EMP2: variants seen among roughly 807,000 people sequenced by gnomAD.
The protein encoded by EMP2 is epithelial membrane protein 2.
In EMP2, 19 loss-of-function variants were observed where a neutral mutation model predicts 13.7. The ratio of observed to expected loss-of-function variants is 1.38; its 90% CI spans 0.97 to 2.03. The LOEUF (loss-of-function observed/expected upper bound fraction) is 2.03. Among genes scored for constraint, EMP2 ranks in the 30% most tolerant of loss-of-function variants. The pLI is 0.00. For missense variants in EMP2, 253 were observed against 220.7 expected (o/e 1.15, Z -0.93); for synonymous variants, 97 against 84.7 (o/e 1.15, Z -0.80).
rs878927571 is a variant in EMP2, at chr16:10,532,758, CTTTT to C, written c.*143_*146del. ...CTTTTGGATTTTTTTTTTCTTTTTT[CTTTT>C]TTTTTTTTTTTTTTTTTTTTTTTTG... On this transcript the variant is annotated 3_prime_UTR_variant, in exon 5 of 5. Coordinates refer to ENST00000359543, the MANE Select transcript of EMP2 (RefSeq NM_001424.6). 4.7e-3 allele frequency: 876 copies of C among 184,878 alleles called. 87 individuals are homozygous for C. The highest frequency in any genetic ancestry group is 0.034 in the African/African-American group (821 of 23,828). 11.5% of individuals were successfully genotyped at this position (184,878 alleles called of 1,614,324 possible). A position where few individuals can be genotyped will look rare whatever the true frequency, so the allele number is the denominator to read the frequency against.
intron 1 of EMP2, among the ~76,000 whole-genome samples, chr16:10,562,386 A>AGC (rs2050878884): frequency 3.7e-5 from 4 of 107,982 alleles, no homozygotes; most frequent in Middle Eastern, 4.7e-3. Flanking sequence ...CTCTCTATCT[A>AGC]TCTCTCTCTC....
At chr16:10,558,030 A>AC (rs746973834) in intron 1 of EMP2, among the ~76,000 whole-genome samples, 94 of 137,964 alleles carry the variant, frequency 6.8e-4, no homozygotes, top group Middle Eastern at 3.4e-3. Flanking sequence ...GTGAGTTTCA[A>AC]GTTTTTTTTT....
rs2050617554 is a variant in EMP2 at position 10,532,848 on chromosome 16, A to G, written c.*57T>C. ...CTCAAAAAATAATGATTATATACAA[A>G]ATGGTTATCTGAATGTGGATTCTGT... On this transcript the variant is annotated 3_prime_UTR_variant, in exon 5 of 5. Transcript: ENST00000359543. 1 of 1,266,900 alleles carries G rather than the reference A, an allele frequency of 7.9e-7. No individual in the cohort carries two copies. The highest frequency in any genetic ancestry group is 1.0e-6 in the Non-Finnish European group (1 of 990,522). 78.5% of individuals were successfully genotyped at this position (1,266,900 alleles called of 1,614,324 possible).
chr16:10,554,332 A>G (rs1223234219), intron 1 of EMP2, among the ~76,000 whole-genome samples: 2 of 152,154 alleles, frequency 1.3e-5, no homozygotes, highest in Non-Finnish European at 2.9e-5. Flanking sequence ...GTGCCCGACC[A>G]AGCACTGGAT....
At chr16:10,569,731 T>C (rs1322651759) in intron 1 of EMP2, among the ~76,000 whole-genome samples, 1 of 152,202 alleles carries the variant, frequency 6.6e-6, no homozygotes, top group African/African-American at 2.4e-5. Flanking sequence ...GTCTTTAACA[T>C]CGCCTGTATG....
chr16:10,555,657 G>A (rs2050822240), intron 1 of EMP2, among the ~76,000 whole-genome samples: 2 of 151,078 alleles, frequency 1.3e-5, no homozygotes, highest in African/African-American at 2.4e-5. Context: ...GAGCGATCTC[G>A]GCTCACCACA....
chr16:10,574,377 C>G (rs2050968262), intron 1 of EMP2, among the ~76,000 whole-genome samples: 1 of 152,112 alleles, frequency 6.6e-6, no homozygotes, highest in African/African-American at 2.4e-5. Flanking sequence ...ATCCTCACGC[C>G]TGCCTCCTTA....
rs1048907073 is a variant in EMP2, at chr16:10,529,748, T to G, written c.*3157A>C. 6.6e-6 allele frequency: 1 copy of G among 151,918 alleles called. No individual in the cohort carries two copies. Among genetic ancestry groups the G allele is most frequent in the East Asian group, 1.9e-4 (1 of 5,176 alleles). The allele number at this position is 151,918 out of a possible 1,614,324, so 9.4% of individuals were successfully genotyped here. ...GAGTTCGAAACCAGCCTGACCAACA[T>G]GGAGAAACCCCATCTCTACTAAAAA... is the stretch of plus-strand genomic sequence containing the variant. On this transcript the variant is annotated 3_prime_UTR_variant, in exon 5 of 5. Coordinates refer to ENST00000359543, the MANE Select transcript of EMP2 (RefSeq NM_001424.6).
intron 1 of EMP2, among the ~76,000 whole-genome samples, chr16:10,563,811 T>C (rs2050889306): frequency 6.6e-6 from 1 of 152,238 alleles, no homozygotes; most frequent in Admixed American, 6.5e-5. Context: ...TCCCTACCCC[T>C]TGGACTGTTG....
chr16:10,556,290 A>T (rs537991227), intron 1 of EMP2, among the ~76,000 whole-genome samples: 16 of 152,022 alleles, frequency 1.1e-4, no homozygotes, highest in Non-Finnish European at 1.5e-4. Context: ...AATTTTTTTT[A>T]AAATCATTTC....
intron 1 of EMP2, among the ~76,000 whole-genome samples, chr16:10,563,326 G>A (rs902521947): frequency 6.6e-6 from 1 of 152,086 alleles, no homozygotes; most frequent in Non-Finnish European, 1.5e-5. Flanking sequence ...CAAGTAGCTG[G>A]AACTACAGGC....
intron 1 of EMP2, among the ~76,000 whole-genome samples, chr16:10,577,579 T>A (rs1166989527): frequency 6.6e-6 from 1 of 152,022 alleles, no homozygotes; most frequent in Non-Finnish European, 1.5e-5. Flanking sequence ...CCCCATTCCT[T>A]CCCTGCACAT....
At chr16:10,538,162 GGT>G in intron 3 of EMP2, 88 bp from the exon 4 acceptor site, 1 of 1,515,774 alleles carries the variant, frequency 6.6e-7, no homozygotes, top group Non-Finnish European at 9.0e-7. Context: ...CTCCAGAGTA[GGT>G]GTGACAGGAG....
At chr16:10,544,878 C>G (rs2050728265) in intron 2 of EMP2, 1 of 152,190 alleles carries the variant, frequency 6.6e-6, no homozygotes, top group South Asian at 2.1e-4. Context: ...GAGAGAGACC[C>G]TGTCACAAAC....
At chr16:10,558,416 C>A (rs1359183665) in intron 1 of EMP2, among the ~76,000 whole-genome samples, 2 of 152,152 alleles carry the variant, frequency 1.3e-5, no homozygotes, top group African/African-American at 2.4e-5. Context: ...GAATTGACAT[C>A]TCCTCGCTGT....
At chr16:10,545,055 T>C (rs2050729617) in intron 2 of EMP2, 1 of 152,200 alleles carries the variant, frequency 6.6e-6, no homozygotes, top group African/African-American at 2.4e-5. Flanking sequence ...AAATACATAA[T>C]GAATACCCTC....
intron 1 of EMP2, among the ~76,000 whole-genome samples, chr16:10,548,559 T>C (rs1480887063): frequency 4.6e-5 from 7 of 152,198 alleles, no homozygotes; most frequent in Admixed American, 4.6e-4. Context: ...CCTAGTGTTA[T>C]GGCAGGTGCC....
At chr16:10,564,016 G>A (rs930110558) in intron 1 of EMP2, among the ~76,000 whole-genome samples, 2 of 152,252 alleles carry the variant, frequency 1.3e-5, no homozygotes, top group Non-Finnish European at 2.9e-5. Context: ...TACAACAGCA[G>A]CAGAGGGACT....
intron 3 of EMP2, among the ~76,000 whole-genome samples, chr16:10,540,026 T>A (rs1271179052): frequency 1.3e-5 from 2 of 152,010 alleles, no homozygotes; most frequent in Admixed American, 6.6e-5. Context: ...ATGGGGCAAA[T>A]GGGGAAAACA....
Sources: allele counts gnomAD v4.1 joint callset (sites outside exome capture counted in the v4.1 genomes callset), GRCh38; gene constraint gnomAD v4.1.1; transcripts MANE v1.5; gene names NCBI Gene and HGNC (gene_info 2026-07-23, HGNC 2026-07-21).